Variants in ADAM28 observed in about 807,000 individuals in gnomAD.
ADAM28 encodes disintegrin and metalloproteinase domain-containing protein 28.
Under a neutral mutation model 101.2 loss-of-function variants are expected in ADAM28, and 105 were observed. The ratio of observed to expected loss-of-function variants is 1.04; its 90% confidence interval spans 0.89 to 1.22. The LOEUF (loss-of-function observed/expected upper bound fraction) is 1.22, where lower values mean the gene tolerates loss of function less well. Ranked by LOEUF, ADAM28 falls within the 50% of genes most tolerant of loss-of-function variation. The pLI is 0.00. For missense variants in ADAM28, 1,028 were observed against 945.4 expected (o/e 1.09, Z -1.15); for synonymous variants, 322 against 310.6 (o/e 1.04, Z -0.39).
intron 6 of ADAM28, among the ~76,000 whole-genome samples, chr8:24,318,790 G>T (rs1166834655): frequency 6.6e-6 from 1 of 151,794 alleles, no homozygotes; most frequent in Non-Finnish European, 1.5e-5. Context: ...CTTTTACTTT[G>T]CTCCCTTTTC....
At chr8:24,295,027 AC>A (rs746042972) in intron 1 of ADAM28, among the ~76,000 whole-genome samples, 7 of 152,126 alleles carry the variant, frequency 4.6e-5, no homozygotes, top group African/African-American at 7.2e-5. Flanking sequence ...GTTTGCTGGG[AC>A]CTGGGGATGG....
intron 2 of ADAM28, among the ~76,000 whole-genome samples, chr8:24,300,500 TCCG>T (rs1808586818): frequency 6.6e-6 from 1 of 152,074 alleles, no homozygotes. Context: ...CACTGCAAGC[TCCG>T]CCTCCCAGGT....
chr8:24,309,000 T>C (rs62502722), intron 2 of ADAM28, among the ~76,000 whole-genome samples: 19,994 of 152,140 alleles, frequency 0.13, 1,329 homozygotes, highest in East Asian at 0.25. Flanking sequence ...ATATCTTTAA[T>C]GACAATAACG....
At position 24,330,020 on chromosome 8, in the gene ADAM28, A is replaced by T; in HGVS notation, c.1008A>T (p.Thr336=). The T allele has an allele frequency of 6.2e-7, 1 of 1,613,690 alleles. No individual in the cohort carries two copies. The highest frequency in any genetic ancestry group is 1.7e-4 in the Middle Eastern group (1 of 6,056). The change falls in exon 11 of 23, where the codon ACA becomes ACT. Residue 336 remains threonine, a synonymous_variant. Coordinates refer to ENST00000265769, the MANE Select transcript of ADAM28 (RefSeq NM_014265.6). The part of the protein sequence containing the change: ...HSDNLLRVAG[T]MAHEMGHNFG... ...ATAATCTTCTTAGAGTTGCAGGGAC[A>T]ATGGCACATGAAATGGGCCACAACT... is the stretch of plus-strand genomic sequence containing the variant.
At chr8:24,297,940 C>T (rs912483174) in intron 1 of ADAM28, among the ~76,000 whole-genome samples, 3 of 152,200 alleles carry the variant, frequency 2.0e-5, no homozygotes, top group Non-Finnish European at 2.9e-5. Context: ...AGACGCCCAG[C>T]GATTACCTCT....
chr8:24,321,536 A>G (rs1031918393), intron 8 of ADAM28: 5 of 461,130 alleles, frequency 1.1e-5, no homozygotes, highest in Non-Finnish European at 2.0e-5. Context: ...TAAAAGCTAC[A>G]TGGGTGCATT....
chr8:24,302,378 G>A (rs1336539193), intron 2 of ADAM28, among the ~76,000 whole-genome samples: 1 of 152,266 alleles, frequency 6.6e-6, no homozygotes. Context: ...CACTGCTACT[G>A]TGAATAGTGC....
intron 21 of ADAM28, among the ~76,000 whole-genome samples, chr8:24,352,773 A>G (rs1241525195): frequency 6.6e-6 from 1 of 152,116 alleles, no homozygotes; most frequent in Non-Finnish European, 1.5e-5. Flanking sequence ...TGGCTTCTCC[A>G]TTTCTGAAAA....
Position 24,324,700 on chromosome 8 carries a change from C to A in ADAM28, c.890+697C>A, listed in dbSNP as rs376892504. On this transcript the variant is annotated intron_variant, in intron 9 of 22. Coordinates refer to ENST00000265769, the MANE Select transcript of ADAM28 (RefSeq NM_014265.6). ...TTGAATTTCTGGGCTTGAAATAAGGCTTCTTCACTTACATAATTGGTGTGT... is the reference window on the plus strand; with the variant it reads ...TTGAATTTCTGGGCTTGAAATAAGGATTCTTCACTTACATAATTGGTGTGT... Among the ~76,000 whole-genome samples, 3 of 151,922 alleles carry A rather than the reference C, an allele frequency of 2.0e-5. No homozygotes were observed. The East Asian group carries it at 5.8e-4, about 29-fold the overall frequency.
At chr8:24,321,163 T>A in intron 7 of ADAM28, 55 bp from the exon 8 acceptor site, 1 of 1,131,866 alleles carries the variant, frequency 8.8e-7, no homozygotes, top group South Asian at 1.3e-5. Context: ...TTTTTAACCT[T>A]CCAAGTATAT....
intron 2 of ADAM28, among the ~76,000 whole-genome samples, chr8:24,303,566 C>G (rs777496600): frequency 6.6e-6 from 1 of 151,994 alleles, no homozygotes; most frequent in Non-Finnish European, 1.5e-5. Context: ...CCTTGAAGTC[C>G]GGTAGTATAA....
At chr8:24,342,893 T>A in intron 16 of ADAM28, 1 of 799,412 alleles carries the variant, frequency 1.3e-6, no homozygotes, top group Non-Finnish European at 1.8e-6. Context: ...AATACATAAA[T>A]TCTTAGATAG....
At position 24,339,494 on chromosome 8, in the gene ADAM28, C is replaced by G. The variant is rs759619975; in HGVS notation, c.1596C>G (p.Tyr532Ter). ...PGTEVADKSC[Y>*]NRNEGGSKYG... ...CTGAGGTTGCAGATAAGTCATGTTA[C>G]AACAGGAATGAAGGTGGGTCAAAGT... Residue 532 changes from tyrosine to a stop codon, truncating the protein, a stop_gained, in exon 15 of 23, where the codon TAC becomes TAG. Coordinates refer to ENST00000265769, the MANE Select transcript of ADAM28 (RefSeq NM_014265.6). LOFTEE classifies it high-confidence loss of function. 4 of 1,613,416 alleles carry G rather than the reference C, an allele frequency of 2.5e-6. No homozygotes were observed. The South Asian group carries it at 4.4e-5, about 18-fold the overall frequency.
Position 24,356,336 on chromosome 8 carries a change from C to T in ADAM28, c.*1932C>T, listed in dbSNP as rs1038843704. 6.6e-6 allele frequency: 1 copy of T among 152,084 alleles called. No individual in the cohort carries two copies. The highest frequency in any genetic ancestry group is 1.5e-5 in the Non-Finnish European group (1 of 68,024). 9.4% of individuals were successfully genotyped at this position (152,084 alleles called of 1,614,324 possible). On this transcript the variant is annotated 3_prime_UTR_variant, in exon 23 of 23. Transcript: ENST00000265769. ...TAGATTCACCTAATCCTTTTTTATACTGATGGAATGGAAATCTTAAATCTA... is the reference window on the plus strand; with the variant it reads ...TAGATTCACCTAATCCTTTTTTATATTGATGGAATGGAAATCTTAAATCTA...
chr8:24,334,039 A>C (rs1017742105), intron 13 of ADAM28, among the ~76,000 whole-genome samples: 3 of 152,190 alleles, frequency 2.0e-5, no homozygotes, highest in Non-Finnish European at 4.4e-5. Flanking sequence ...GAGAGGAAAG[A>C]AAGAAGTCCA....
At chr8:24,326,684 G>A (rs765583340) in intron 10 of ADAM28, 49 bp downstream of exon 10, 44 of 1,546,086 alleles carry the variant, frequency 2.8e-5, no homozygotes, top group Non-Finnish European at 3.4e-5. Flanking sequence ...TTTATCAAAT[G>A]CTTTTTAAAA....
chr8:24,305,451 C>CCTTTTTTTT (rs1231715996), intron 2 of ADAM28, among the ~76,000 whole-genome samples: 2 of 65,446 alleles, frequency 3.1e-5, no homozygotes, highest in Non-Finnish European at 5.8e-5. Flanking sequence ...TAAGAGGTTT[C>CCTTTTTTTT]TTTTTTTTTT....
In ADAM28 at chr8:24,341,623, T is replaced by C. The variant is rs777076033; in HGVS notation, c.1696T>C (p.Cys566Arg). The C allele has an allele frequency of 1.9e-6, 3 of 1,613,412 alleles. No homozygotes were observed. In the South Asian group the frequency reaches 3.3e-5, roughly 18 times the overall value. The change falls in exon 16 of 23, where the codon TGT (cysteine) becomes CGT (arginine). Residue 566 changes from cysteine (C) to arginine (R), a missense_variant. Transcript: ENST00000265769. ...ANDTMCGKLF[C>R]QGGSDNLPWK... is the part of the protein sequence containing the mutation. ...TGATACCATGTGTGGGAAGTTGTTC[T>C]GTCAAGGTGGGTCGGATAATTTGCC...
At chr8:24,315,744 G>T (rs1171405547) in intron 6 of ADAM28, among the ~76,000 whole-genome samples, 2 of 151,838 alleles carry the variant, frequency 1.3e-5, no homozygotes, top group African/African-American at 4.8e-5. Flanking sequence ...GACAAACACT[G>T]AGGTAAAAAT....
Sources: allele counts gnomAD v4.1 joint callset (sites outside exome capture counted in the v4.1 genomes callset), GRCh38; gene constraint gnomAD v4.1.1; transcripts MANE v1.5; gene names NCBI Gene and HGNC (gene_info 2026-07-23, HGNC 2026-07-21).